The following TSPAN10 variants were observed in gnomAD, a reference collection of about 807,000 sequenced individuals.
TSPAN10 encodes the protein tetraspanin-10.
In TSPAN10, 11 loss-of-function variants were observed where a neutral mutation model predicts 15.0. That is an observed-to-expected ratio of 0.73 (90% CI 0.46 to 1.21). The LOEUF (loss-of-function observed/expected upper bound fraction) is 1.21, where lower values mean the gene tolerates loss of function less well. Among genes scored for constraint, TSPAN10 ranks in the 50% most tolerant of loss-of-function variants. The pLI is 0.00. For missense variants in TSPAN10, 486 were observed against 470.6 expected, an observed-to-expected ratio of 1.03 and a Z score of -0.30; for synonymous variants, 241 against 226.2, an observed-to-expected ratio of 1.07 and a Z score of -0.59.
chr17:81,642,932 G>A (rs1568178710), intron 1 of TSPAN10, among the ~76,000 whole-genome samples: 1 of 151,518 alleles, frequency 6.6e-6, no homozygotes, highest in African/African-American at 2.4e-5. Context: ...AGGGAAGATT[G>A]CGTGAGCCCA....
At chr17:81,644,450 G>A (rs2036215853) in intron 1 of TSPAN10, among the ~76,000 whole-genome samples, 1 of 148,094 alleles carries the variant, frequency 6.8e-6, no homozygotes, top group Non-Finnish European at 1.5e-5. Context: ...TGGGATGTGA[G>A]GACTGGTTTC....
chr17:81,639,513 A>G (rs1227138549), upstream of TSPAN10, among the ~76,000 whole-genome samples: 1 of 151,360 alleles, frequency 6.6e-6, no homozygotes, highest in Non-Finnish European at 1.5e-5. Flanking sequence ...GCCTGGAATT[A>G]CTTCCTAACA....
exon 1 of TSPAN10, chr17:81,637,287 G>A: frequency 1.6e-6 from 1 of 628,810 alleles, no homozygotes; most frequent in East Asian, 2.9e-5. Flanking sequence ...AGCGGCACAG[G>A]AAAGTCCAAA....
exon 1 of TSPAN10, chr17:81,637,212 C>A: frequency 2.1e-6 from 1 of 471,844 alleles, no homozygotes; most frequent in Non-Finnish European, 3.8e-6. Context: ...GCCATCCCTG[C>A]AACTGGAGGA....
At chr17:81,648,215 G>A (rs1367527496) in exon 3 of TSPAN10, 4 of 1,309,558 alleles carry the variant, frequency 3.1e-6, no homozygotes, top group African/African-American at 1.6e-5. Flanking sequence ...TACGGCCCCG[G>A]AGCGCGCGGG....
At chr17:81,648,235 G>A (rs2036286384) in exon 3 of TSPAN10, 2 of 1,255,264 alleles carry the variant, frequency 1.6e-6, no homozygotes, top group Admixed American at 4.3e-5. Context: ...GGAGGACCGC[G>A]CTGGCCCCCA....
rs946671182 is a variant in TSPAN10 at position 81,648,255 on chromosome 17, C to A, written c.1029C>A (p.Ser343Arg). ...ACCGCGCTGGCCCCCAGAGCCCCAGCCCCGGCGCCCCGCCCGCTGCCAAGC... is the reference window on the plus strand; with the variant it reads ...ACCGCGCTGGCCCCCAGAGCCCCAGACCCGGCGCCCCGCCCGCTGCCAAGC... Residue 343 changes from serine (S) to arginine (R), a missense_variant, in exon 3 of 3, where the codon AGC (serine) becomes AGA (arginine). Transcript: ENST00000611590. 1.2e-5 allele frequency: 15 copies of A among 1,216,562 alleles called. No individual in the cohort carries two copies. The East Asian group carries it at 1.3e-4, about 11-fold the overall frequency. The allele number at this position is 1,216,562 out of a possible 1,614,324, so 75.4% of individuals were successfully genotyped here.
chr17:81,648,197 G>A, exon 3 of TSPAN10: 1 of 1,389,044 alleles, frequency 7.2e-7, no homozygotes, highest in Non-Finnish European at 9.2e-7. Flanking sequence ...GCCCGCAGGG[G>A]GGCGGCGTAC....
chr17:81,644,789 C>T (rs1358832616), intron 1 of TSPAN10, among the ~76,000 whole-genome samples: 2 of 152,268 alleles, frequency 1.3e-5, no homozygotes, highest in African/African-American at 4.8e-5. Flanking sequence ...CTCACTGCCC[C>T]TTCTGCTGCT....
At chr17:81,645,766 T>G (rs2036244585) in intron 2 of TSPAN10, 137 bp downstream of exon 3, 1 of 1,120,150 alleles carries the variant, frequency 8.9e-7, no homozygotes, top group Non-Finnish European at 1.3e-6. Flanking sequence ...TATACCCACA[T>G]GTACACGCAT....
rs921784738 is a variant in TSPAN10, at chr17:81,637,319, C to A, written c.-80C>A. 21 of 662,230 alleles carry A rather than the reference C, an allele frequency of 3.2e-5. No individual in the cohort carries two copies. In the African/African-American group the frequency reaches 3.5e-4, roughly 11 times the overall value. The allele number at this position is 662,230 out of a possible 1,614,324, so 41.0% of individuals were successfully genotyped here. Reference sequence around the variant, plus strand: ...CAAAAAGGAAGCAAAGACGAGCATCCGAAGTCTCACCCAAAAATAACTACT... The same window carrying A: ...CAAAAAGGAAGCAAAGACGAGCATCAGAAGTCTCACCCAAAAATAACTACT... On this transcript the variant is annotated 5_prime_UTR_variant, in exon 1 of 4. Transcript: ENST00000574882.
At chr17:81,645,156 T>G (rs780848206) in exon 2 of TSPAN10, 5 of 1,563,552 alleles carry the variant, frequency 3.2e-6, no homozygotes, top group Non-Finnish European at 4.3e-6. Flanking sequence ...GACCAGCCCC[T>G]TCCCTCTCCC....
chr17:81,637,257 TGCTCGTCCTCG>T, exon 1 of TSPAN10: 1 of 529,340 alleles, frequency 1.9e-6, no homozygotes, highest in South Asian at 2.4e-5. Flanking sequence ...AGATTACTTC[TGCTCGTCCTCG>T]GAAACCCAAG....
At chr17:81,648,247 A>G (rs2036286785) in exon 3 of TSPAN10, 3 of 1,220,172 alleles carry the variant, frequency 2.5e-6, no homozygotes, top group South Asian at 8.0e-5. Flanking sequence ...TGGCCCCCAG[A>G]GCCCCAGCCC....
At chr17:81,648,342 C>A, downstream of TSPAN10, 2 of 1,196,002 alleles carry the variant, frequency 1.7e-6, no homozygotes, top group South Asian at 4.2e-5. Flanking sequence ...ATACAGGGGG[C>A]GCCTCCGCCC....
upstream of TSPAN10, chr17:81,637,515 C>T: frequency 1.6e-6 from 1 of 638,656 alleles, no homozygotes; most frequent in South Asian, 1.7e-5. Context: ...AACTGCATTT[C>T]AGGCCGGGCG....
At chr17:81,648,301 G>T (rs939405036), downstream of TSPAN10, 7 of 1,206,192 alleles carry the variant, frequency 5.8e-6, no homozygotes, top group African/African-American at 4.7e-5. Context: ...CTGAGCGCAC[G>T]CCCCGAGGTC....
chr17:81,639,156 A>G (rs2036152812), upstream of TSPAN10: 1 of 151,824 alleles, frequency 6.6e-6, no homozygotes, highest in Non-Finnish European at 1.5e-5. Flanking sequence ...AAGAAAATAT[A>G]ACATAACAAA....
chr17:81,645,637 T>C lies in TSPAN10; in HGVS notation c.674+8T>C. The C allele has an allele frequency of 1.2e-6, 2 of 1,611,252 alleles. No homozygotes were observed. The highest frequency in any genetic ancestry group is 2.2e-5 in the East Asian group (1 of 44,878). On this transcript the variant is annotated splice_region_variant and intron_variant, in intron 2 of 2. Coordinates refer to ENST00000611590, the Ensembl canonical transcript of TSPAN10. ...GGACTGGCAGCAGAACCTGTGAGTC[T>C]TGGAGTGGGCGAGGGACAGGGCCAC...
Sources: allele counts gnomAD v4.1 joint callset (sites outside exome capture counted in the v4.1 genomes callset), GRCh38; gene constraint gnomAD v4.1.1; transcripts MANE v1.5; gene names NCBI Gene and HGNC (gene_info 2026-07-23, HGNC 2026-07-21).